The following KDM7A variants were observed in gnomAD, a reference collection of about 807,000 sequenced individuals.
KDM7A encodes lysine-specific demethylase 7A.
A neutral mutation model predicts 114.8 loss-of-function variants in KDM7A; 28 were observed. The ratio of observed to expected loss-of-function variants is 0.24; its 90% CI spans 0.18 to 0.33. KDM7A has a LOEUF of 0.33. Among genes scored for constraint, KDM7A ranks in the 10% least tolerant of loss-of-function variants. KDM7A has a pLI of 1.00. For synonymous variants in KDM7A, 423 were observed against 397.8 expected (o/e 1.06, Z -0.75); for missense variants, 942 against 1,142.5 (o/e 0.82, Z 2.53).
At chr7:140,175,760 T>G (rs1162462884) in intron 1 of KDM7A, among the ~76,000 whole-genome samples, 3 of 151,428 alleles carry the variant, frequency 2.0e-5, no homozygotes, top group Non-Finnish European at 4.4e-5. Flanking sequence ...GAGGGCAGCG[T>G]CCGCCGCCGC....
intron 1 of KDM7A, among the ~76,000 whole-genome samples, chr7:140,144,276 A>C (rs754026696): frequency 6.6e-6 from 1 of 152,236 alleles, no homozygotes; most frequent in Non-Finnish European, 1.5e-5. Context: ...TCTGTTCTAC[A>C]AATAGTATGA....
intron 2 of KDM7A, among the ~76,000 whole-genome samples, chr7:140,137,139 T>C (rs11983025): frequency 0.43 from 64,904 of 151,874 alleles, 14,193 homozygotes; most frequent in African/African-American, 0.48. Flanking sequence ...GGATCTTGGG[T>C]GTTTTCCCTG....
chr7:140,157,568 CG>C (rs1794471137), intron 1 of KDM7A, among the ~76,000 whole-genome samples: 1 of 152,118 alleles, frequency 6.6e-6, no homozygotes, highest in Admixed American at 6.5e-5. Context: ...GTGTGAGGAT[CG>C]CTTGAGCCTG....
chr7:140,086,870 G>A lies in KDM7A; in HGVS notation c.*4224C>T, dbSNP rs1433806111. 2 of 152,092 alleles carry A rather than the reference G, an allele frequency of 1.3e-5. No individual in the cohort carries two copies. The highest frequency in any genetic ancestry group is 4.8e-5 in the African/African-American group (2 of 41,424). The allele number at this position is 152,092 out of a possible 1,614,324, so 9.4% of individuals were successfully genotyped here. A position where few individuals can be genotyped will look rare whatever the true frequency, so the allele number is the denominator to read the frequency against. ...GGTCTAGGACACCACCAAGACTGGT[G>A]AGCTCTAGCTTCTCTTTATGTGGCG... On this transcript the variant is annotated 3_prime_UTR_variant, in exon 20 of 20. Transcript: ENST00000397560.
intron 1 of KDM7A, among the ~76,000 whole-genome samples, chr7:140,174,414 T>C (rs946304129): frequency 1.3e-5 from 2 of 152,134 alleles, no homozygotes; most frequent in Non-Finnish European, 2.9e-5. Context: ...TCTCCCTCCT[T>C]CCCGTAAGCC....
intron 4 of KDM7A, among the ~76,000 whole-genome samples, chr7:140,128,943 C>G (rs989402857): frequency 6.6e-6 from 1 of 152,178 alleles, no homozygotes; most frequent in Non-Finnish European, 1.5e-5. Flanking sequence ...CTTTCTGTTT[C>G]TTTGGGGAAT....
At chr7:140,113,359 G>A (rs1028514067) in intron 10 of KDM7A, 132 bp downstream of exon 10, 1 of 484,270 alleles carries the variant, frequency 2.1e-6, no homozygotes, top group African/African-American at 2.0e-5. Flanking sequence ...TAAAATGCAG[G>A]TTGTATATAA....
intron 11 of KDM7A, among the ~76,000 whole-genome samples, chr7:140,107,081 C>T (rs562967658): frequency 4.7e-4 from 71 of 152,174 alleles, no homozygotes; most frequent in Non-Finnish European, 9.0e-4. Flanking sequence ...TTATCAGAGA[C>T]TAGGATTGCA....
chr7:140,100,342 T>C (rs1033316687), intron 12 of KDM7A, among the ~76,000 whole-genome samples: 2 of 152,164 alleles, frequency 1.3e-5, no homozygotes, highest in Non-Finnish European at 2.9e-5. Flanking sequence ...CCTCAGAGTA[T>C]TTTAGCTCTC....
intron 1 of KDM7A, among the ~76,000 whole-genome samples, chr7:140,162,660 G>A (rs1721635904): frequency 6.6e-6 from 1 of 152,066 alleles, no homozygotes. Context: ...TTGATCAACA[G>A]AACATGAATT....
chr7:140,110,553 C>T (rs1818414038), intron 11 of KDM7A, among the ~76,000 whole-genome samples: 1 of 152,148 alleles, frequency 6.6e-6, no homozygotes, highest in Non-Finnish European at 1.5e-5. Flanking sequence ...ACAGAACAAC[C>T]TTCTTGAAGA....
At chr7:140,129,440 C>A in intron 4 of KDM7A, 53 bp downstream of exon 4, 1 of 1,407,630 alleles carries the variant, frequency 7.1e-7, no homozygotes, top group South Asian at 1.2e-5. Context: ...CCAGGACTAT[C>A]ATTTTTACTT....
chr7:140,096,884 T>C lies in KDM7A; in HGVS notation c.2165+15A>G, dbSNP rs770761295. On this transcript the variant is annotated intron_variant, in intron 16 of 19. Coordinates refer to ENST00000397560, the MANE Select transcript of KDM7A (RefSeq NM_030647.2). ...CTTACAATATAATAAGACTTACTAC[T>C]ATCAGCAAGCCTACCTTTTAATTGG... 2 of 1,612,240 alleles carry C rather than the reference T, an allele frequency of 1.2e-6. No individual in the cohort carries two copies. Among genetic ancestry groups the C allele is most frequent in the Non-Finnish European group, 1.7e-6 (2 of 1,178,808 alleles).
intron 8 of KDM7A, among the ~76,000 whole-genome samples, 199 bp from the exon 9 acceptor site, chr7:140,119,418 A>C (rs1818582981): frequency 6.6e-6 from 1 of 152,216 alleles, no homozygotes; most frequent in Admixed American, 6.5e-5. Context: ...TTGATGGTAT[A>C]CTTAAGAATT....
intron 1 of KDM7A, among the ~76,000 whole-genome samples, chr7:140,170,465 A>AC (rs1328915065): frequency 6.6e-6 from 1 of 152,078 alleles, no homozygotes; most frequent in Non-Finnish European, 1.5e-5. Context: ...AGTACCATCT[A>AC]CCCCCTTGAC....
chr7:140,135,153 T>C (rs1282418485), intron 2 of KDM7A, among the ~76,000 whole-genome samples: 2 of 151,908 alleles, frequency 1.3e-5, no homozygotes, highest in African/African-American at 4.8e-5. Context: ...CACTCCTAAA[T>C]TTGAGTGTAT....
At chr7:140,152,870 C>T in intron 1 of KDM7A, among the ~76,000 whole-genome samples, 1 of 151,444 alleles carries the variant, frequency 6.6e-6, no homozygotes, top group African/African-American at 2.4e-5. Context: ...TTTGTAATTC[C>T]TTTTTTTTGA....
chr7:140,091,223 G>A, intron 19 of KDM7A, 35 bp from the exon 20 acceptor site: 5 of 1,412,810 alleles, frequency 3.5e-6, no homozygotes, highest in Non-Finnish European at 5.0e-6. Flanking sequence ...AAGTAATGAT[G>A]AAAAGTACAC....
chr7:140,112,815 G>A (rs1212914278), intron 10 of KDM7A, among the ~76,000 whole-genome samples: 1 of 152,202 alleles, frequency 6.6e-6, no homozygotes, highest in Non-Finnish European at 1.5e-5. Flanking sequence ...ATAGGCACAA[G>A]AAATATAGCA....
Sources: allele counts gnomAD v4.1 joint callset (sites outside exome capture counted in the v4.1 genomes callset), GRCh38; gene constraint gnomAD v4.1.1; transcripts MANE v1.5; gene names NCBI Gene and HGNC (gene_info 2026-07-23, HGNC 2026-07-21).